NSUN3: variants seen among roughly 807,000 people sequenced by gnomAD.
The protein encoded by NSUN3 is NOP2/Sun RNA methyltransferase 3, also known as tRNA (cytosine(34)-C(5))-methyltransferase, mitochondrial.
In NSUN3, 24 loss-of-function variants were observed where a neutral mutation model predicts 36.8. The observed-to-expected ratio is 0.65, with a 90% CI of 0.47 to 0.92. The LOEUF (loss-of-function observed/expected upper bound fraction) is 0.92. Among genes scored for constraint, NSUN3 ranks in the 40% least tolerant of loss-of-function variants. The pLI is 0.00. For synonymous variants in NSUN3, 146 were observed against 145.2 expected, an observed-to-expected ratio of 1.01 and a Z score of -0.04; for missense variants, 381 against 392.8, an observed-to-expected ratio of 0.97 and a Z score of 0.25.
chr3:94,079,923 C>T (rs928500687), intron 2 of NSUN3, among the ~76,000 whole-genome samples: 4 of 152,088 alleles, frequency 2.6e-5, no homozygotes, highest in African/African-American at 9.7e-5. Context: ...CTGAAGCCTA[C>T]TTCTGTCAGT....
rs573102663 is a variant in NSUN3, at chr3:94,118,157, C to T, written c.744-8054C>T. 6.6e-4 allele frequency among the ~76,000 whole-genome samples: 101 copies of T among 152,114 alleles called. No individual in the cohort carries two copies. The South Asian group carries it at 0.016, about 24-fold the overall frequency. ...TGTGGTGATGGATTTCCTAATTACC[C>T]GATTTGATCATTCTACATTGTAAAC... On this transcript the variant is annotated intron_variant, in intron 5 of 5. Transcript: ENST00000314622.
In NSUN3 at chr3:94,063,146, C is replaced by G. The variant is rs777740002; in HGVS notation, c.12+8C>G. ...GGGACAATGCTGACCCAGGTGAGACCTGGGGCCCGGCTGGGTACCTCTATC... is the reference window on the plus strand; with the variant it reads ...GGGACAATGCTGACCCAGGTGAGACGTGGGGCCCGGCTGGGTACCTCTATC... On this transcript the variant is annotated splice_region_variant and intron_variant, in intron 1 of 5. Transcript: ENST00000314622. 6 of 1,613,952 alleles carry G rather than the reference C, an allele frequency of 3.7e-6. No individual in the cohort carries two copies. The highest frequency in any genetic ancestry group is 2.2e-5 in the South Asian group (2 of 91,074).
intron 5 of NSUN3, among the ~76,000 whole-genome samples, chr3:94,120,533 G>A (rs2077457095): frequency 6.6e-6 from 1 of 152,052 alleles, no homozygotes; most frequent in Non-Finnish European, 1.5e-5. Flanking sequence ...TCTTTTTTGT[G>A]ACTGGCTTAT....
Position 94,131,099 on chromosome 3 carries a change from A to G in NSUN3, c.*4609A>G, listed in dbSNP as rs1339927793. Among the ~76,000 whole-genome samples, 2 of 151,596 alleles carry G rather than the reference A, an allele frequency of 1.3e-5. No homozygotes were observed. Among genetic ancestry groups the G allele is most frequent in the Non-Finnish European group, 2.9e-5 (2 of 67,918 alleles). On this transcript the variant is annotated 3_prime_UTR_variant, in exon 6 of 6. Coordinates refer to ENST00000314622, the MANE Select transcript of NSUN3 (RefSeq NM_022072.5). ...GGCTAATTTTTAAATTATTATTATT[A>G]TTATTATTGTAGAGATGTGACCTCA...
intron 2 of NSUN3, chr3:94,082,160 T>C (rs1038675573): frequency 2.6e-5 from 4 of 152,204 alleles, no homozygotes; most frequent in African/African-American, 9.6e-5. Flanking sequence ...TCAGCCTGTT[T>C]GGAGGTAAGA....
rs905668970 is a variant in NSUN3 at position 94,097,718 on chromosome 3, C to A, written c.743+2564C>A. On this transcript the variant is annotated intron_variant, in intron 5 of 5. Transcript: ENST00000314622. Reference sequence around the variant, plus strand: ...ACTGCTTGCTCCCTCTTAAAATATTCTCTTCCCTTGACATTTGTGATCAGA... The same window carrying A: ...ACTGCTTGCTCCCTCTTAAAATATTATCTTCCCTTGACATTTGTGATCAGA... Among the ~76,000 whole-genome samples, 3 of 152,292 alleles carry A rather than the reference C, an allele frequency of 2.0e-5. No individual in the cohort carries two copies. In the East Asian group the frequency reaches 5.8e-4, roughly 29 times the overall value.
At chr3:94,106,738 G>A (rs908179103) in intron 5 of NSUN3, among the ~76,000 whole-genome samples, 3 of 152,020 alleles carry the variant, frequency 2.0e-5, no homozygotes, top group African/African-American at 7.3e-5. Flanking sequence ...TAGAAACAGG[G>A]TGAAATGATG....
intron 5 of NSUN3, among the ~76,000 whole-genome samples, chr3:94,097,802 C>T (rs2077349470): frequency 6.6e-6 from 1 of 152,088 alleles, no homozygotes; most frequent in African/African-American, 2.4e-5. Context: ...ATTTAACTCG[C>T]TCCTCATCAG....
Position 94,064,356 on chromosome 3 carries a change from TA to T in NSUN3, c.13-74del, listed in dbSNP as rs1332988873. ...TTATCCAAAAAAAGTGTTCTTGTCTTAAAAAAAGACCTTGCTAATGTTGACG... is the reference window on the plus strand; with the variant it reads ...TTATCCAAAAAAAGTGTTCTTGTCTTAAAAAAGACCTTGCTAATGTTGACG... On this transcript the variant is annotated intron_variant, in intron 1 of 5. Coordinates refer to ENST00000314622, the MANE Select transcript of NSUN3 (RefSeq NM_022072.5). 21 of 845,424 alleles carry T rather than the reference TA, an allele frequency of 2.5e-5. 1 individual carries two copies. Among genetic ancestry groups the T allele is most frequent in the Admixed American group, 2.0e-4 (10 of 51,084 alleles). The allele number at this position is 845,424 out of a possible 1,614,324, so 52.4% of individuals were successfully genotyped here.
chr3:94,124,185 C>T (rs2077475765), intron 5 of NSUN3, among the ~76,000 whole-genome samples: 1 of 116,060 alleles, frequency 8.6e-6, no homozygotes, highest in Non-Finnish European at 1.7e-5. Context: ...TGGAGTCTCA[C>T]TCTTTCACCC....
intron 2 of NSUN3, among the ~76,000 whole-genome samples, chr3:94,080,449 C>T (rs2077262665): frequency 6.6e-6 from 1 of 152,202 alleles, no homozygotes; most frequent in Non-Finnish European, 1.5e-5. Context: ...GCTGGGAGGT[C>T]CGCTGCTCTC....
intron 5 of NSUN3, among the ~76,000 whole-genome samples, chr3:94,113,699 AC>A (rs2077427990): frequency 6.6e-6 from 1 of 152,200 alleles, no homozygotes; most frequent in African/African-American, 2.4e-5. Context: ...CTGTTTGTCT[AC>A]TTATTTTCTT....
intron 5 of NSUN3, among the ~76,000 whole-genome samples, chr3:94,106,544 T>G (rs2077389706): frequency 6.6e-6 from 1 of 152,228 alleles, no homozygotes; most frequent in Admixed American, 6.5e-5. Flanking sequence ...AATGTCTGTG[T>G]TTTAGATTCT....
At chr3:94,110,814 ATATG>A (rs1262318512) in intron 5 of NSUN3, among the ~76,000 whole-genome samples, 3 of 151,258 alleles carry the variant, frequency 2.0e-5, no homozygotes, top group Admixed American at 6.6e-5. Context: ...ATATATACAT[ATATG>A]TGTGTGTGTG....
chr3:94,126,302 A>G lies in NSUN3; in HGVS notation c.835A>G (p.Ile279Val), dbSNP rs1334022439. The G allele has an allele frequency of 1.2e-6, 2 of 1,613,988 alleles. No homozygotes were observed. The highest frequency in any genetic ancestry group is 2.7e-5 in the African/African-American group (2 of 74,918). The change falls in exon 6 of 6, where the codon ATT becomes GTT. Residue 279 changes from isoleucine to valine, a missense_variant. Physicochemically the swap from Ile to Val is conservative, Grantham distance 29. Coordinates refer to ENST00000314622, the MANE Select transcript of NSUN3 (RefSeq NM_022072.5). ...AGAAAATCAAGATGTGATCAGTGAA[A>G]TTTTAAACTCCCACGGTAACATCAT... ...KAENQDVISE[I>V]LNSHGNIMPM...
chr3:94,119,577 T>A (rs772792405), intron 5 of NSUN3, among the ~76,000 whole-genome samples: 7 of 150,840 alleles, frequency 4.6e-5, no homozygotes, highest in African/African-American at 1.4e-4. Context: ...TCCTAATAGG[T>A]CACAGACTGG....
Position 94,127,543 on chromosome 3 carries a change from T to A in NSUN3, c.*1053T>A, listed in dbSNP as rs745958612. 6.6e-6 allele frequency: 1 copy of A among 152,214 alleles called. No homozygotes were observed. The highest frequency in any genetic ancestry group is 1.9e-4 in the East Asian group (1 of 5,196). 9.4% of individuals were successfully genotyped at this position (152,214 alleles called of 1,614,324 possible). Reference sequence around the variant, plus strand: ...GGAATACTGTATACATTTCTTCTTATGTACTTAGGGTTTTAGCTTCAGTCA... The same window carrying A: ...GGAATACTGTATACATTTCTTCTTAAGTACTTAGGGTTTTAGCTTCAGTCA... On this transcript the variant is annotated 3_prime_UTR_variant, in exon 6 of 6. Coordinates refer to ENST00000314622, the MANE Select transcript of NSUN3 (RefSeq NM_022072.5).
chr3:94,101,025 G>A (rs1273986410), intron 5 of NSUN3, among the ~76,000 whole-genome samples: 4 of 151,366 alleles, frequency 2.6e-5, no homozygotes, highest in Admixed American at 1.3e-4. Flanking sequence ...GTCTTGCTCT[G>A]TCTCCCAGGC....
chr3:94,124,237 C>T (rs993096951), intron 5 of NSUN3, among the ~76,000 whole-genome samples: 2 of 137,448 alleles, frequency 1.5e-5, no homozygotes, highest in African/African-American at 5.5e-5. Flanking sequence ...ACTGTAACCT[C>T]TGCCTCCTGG....
Sources: gnomAD v4.1 joint callset for allele counts (sites outside exome capture counted in the v4.1 genomes callset) on GRCh38, gnomAD v4.1.1 for gene constraint, MANE v1.5 for transcripts, NCBI Gene and HGNC (gene_info 2026-07-23, HGNC 2026-07-21) for gene names.